STON2: variants seen among roughly 807,000 people sequenced by gnomAD.
The protein encoded by STON2 is stonin-2.
Under a neutral mutation model 65.7 loss-of-function variants are expected in STON2, and 29 were observed. That is an observed-to-expected ratio of 0.44 (90% CI 0.33 to 0.60). STON2 has a LOEUF of 0.60. Ranked by LOEUF, STON2 falls within the 20% of genes least tolerant of loss-of-function variation. The pLI is 0.03. For synonymous variants in STON2, 404 were observed against 414.2 expected, an observed-to-expected ratio of 0.98 and a Z score of 0.30; for missense variants, 1,054 against 1,118.1, an observed-to-expected ratio of 0.94 and a Z score of 0.82.
chr14:81,343,582 G>A (rs918598613), intron 4 of STON2, among the ~76,000 whole-genome samples: 6 of 152,072 alleles, frequency 3.9e-5, no homozygotes, highest in East Asian at 1.9e-4. Context: ...AAAAGAAACC[G>A]CCTTTATGAA....
chr14:81,413,239 A>G, intron 2 of STON2: 1 of 1,539,246 alleles, frequency 6.5e-7, no homozygotes, highest in Non-Finnish European at 8.6e-7. Flanking sequence ...AATCTGGTTA[A>G]AAGCATGGAC....
chr14:81,366,480 C>A lies in STON2; in HGVS notation c.571+4508G>T, dbSNP rs573022824. ...TGACACACTGTGCTGCCAGGGAGAG[C>A]CCAGCTCAGCTGAGGGAGCTCCGGA... On this transcript the variant is annotated intron_variant, in intron 4 of 7. Coordinates refer to ENST00000614646, the MANE Select transcript of STON2 (RefSeq NM_001394390.1). Among the ~76,000 whole-genome samples the A allele has an allele frequency of 1.3e-4, 20 of 152,188 alleles. No individual in the cohort carries two copies. In the East Asian group the frequency reaches 3.9e-3, roughly 30 times the overall value.
chr14:81,274,038 G>T (rs1894707711), intron 6 of STON2, among the ~76,000 whole-genome samples: 1 of 152,174 alleles, frequency 6.6e-6, no homozygotes. Context: ...TTCCCGGATG[G>T]AACACTGCAA....
intron 6 of STON2, among the ~76,000 whole-genome samples, chr14:81,272,594 G>A (rs1894645028): frequency 1.3e-5 from 2 of 152,186 alleles, no homozygotes; most frequent in East Asian, 1.9e-4. Context: ...TTTCACAAAC[G>A]TAACATATTT....
intron 2 of STON2, among the ~76,000 whole-genome samples, chr14:81,418,890 G>A (rs1026903165): frequency 6.6e-6 from 1 of 152,100 alleles, no homozygotes; most frequent in Admixed American, 6.5e-5. Flanking sequence ...CAAAATACCT[G>A]GCAAGTAAAC....
intron 7 of STON2, chr14:81,269,965 A>G (rs1446818782): frequency 2.4e-5 from 24 of 985,266 alleles, no homozygotes; most frequent in Non-Finnish European, 2.9e-5. Context: ...GTTCAGGTCC[A>G]CTTCATCAAC....
At chr14:81,272,181 C>T (rs889101147) in intron 6 of STON2, among the ~76,000 whole-genome samples, 2 of 152,126 alleles carry the variant, frequency 1.3e-5, no homozygotes, top group African/African-American at 2.4e-5. Flanking sequence ...AAGATTGCGC[C>T]GCTGCACTCC....
chr14:81,273,946 ACC>A (rs1894703523), intron 6 of STON2, among the ~76,000 whole-genome samples: 1 of 152,060 alleles, frequency 6.6e-6, no homozygotes, highest in African/African-American at 2.4e-5. Flanking sequence ...TGTACAAAGC[ACC>A]TTCCCAGGGC....
intron 4 of STON2, among the ~76,000 whole-genome samples, chr14:81,360,689 A>G (rs1475711870): frequency 6.6e-6 from 1 of 152,186 alleles, no homozygotes; most frequent in Non-Finnish European, 1.5e-5. Context: ...AGGCAAGAGA[A>G]AGAAATAAAA....
At chr14:81,340,712 G>A (rs1487607402) in intron 4 of STON2, among the ~76,000 whole-genome samples, 1 of 152,066 alleles carries the variant, frequency 6.6e-6, no homozygotes, top group Non-Finnish European at 1.5e-5. Flanking sequence ...CTGAACTCTG[G>A]AGCACTGCAC....
intron 5 of STON2, among the ~76,000 whole-genome samples, chr14:81,279,631 A>G (rs1895025304): frequency 6.6e-6 from 1 of 151,980 alleles, no homozygotes; most frequent in Non-Finnish European, 1.5e-5. Flanking sequence ...GCAGAGATAG[A>G]AGTCAGCGGA....
At chr14:81,344,799 C>T (rs1049565299) in intron 4 of STON2, among the ~76,000 whole-genome samples, 4 of 152,282 alleles carry the variant, frequency 2.6e-5, no homozygotes, top group Admixed American at 1.3e-4. Flanking sequence ...TAGACATTAC[C>T]GTTTAATCCA....
In STON2 at chr14:81,278,521, C is replaced by A; in HGVS notation, c.961G>T (p.Asp321Tyr). The change falls in exon 6 of 8, where the codon GAT becomes TAT. Residue 321 changes from aspartate to tyrosine, a missense_variant. Asp to Tyr is a radical substitution (Grantham distance 160). Coordinates refer to ENST00000614646, the MANE Select transcript of STON2 (RefSeq NM_001394390.1). ...GATCCCATTGAATTATAAGGTACATCTGGGATCACAGATGCACTTGGTGGT... is the reference window on the plus strand; with the variant it reads ...GATCCCATTGAATTATAAGGTACATATGGGATCACAGATGCACTTGGTGGT... Reference protein sequence around the residue: ...NTPPSASVIPDVPYNSMGSFK... With the variant: ...NTPPSASVIPYVPYNSMGSFK... 1 of 1,614,052 alleles carries A rather than the reference C, an allele frequency of 6.2e-7. No homozygotes were observed. Among genetic ancestry groups the A allele is most frequent in the Non-Finnish European group, 8.5e-7 (1 of 1,179,950 alleles).
At chr14:81,331,039 T>C (rs1897193092) in intron 4 of STON2, among the ~76,000 whole-genome samples, 1 of 152,168 alleles carries the variant, frequency 6.6e-6, no homozygotes, top group African/African-American at 2.4e-5. Context: ...AACATGGAGG[T>C]GGTACTCAGA....
chr14:81,388,838 T>TGC (rs1264091145), intron 3 of STON2, among the ~76,000 whole-genome samples: 2 of 152,214 alleles, frequency 1.3e-5, no homozygotes, highest in African/African-American at 2.4e-5. Context: ...TATGTGTGTG[T>TGC]GCTAGTCTCT....
At chr14:81,383,418 A>G (rs1394985028) in intron 3 of STON2, among the ~76,000 whole-genome samples, 1 of 152,172 alleles carries the variant, frequency 6.6e-6, no homozygotes, top group Non-Finnish European at 1.5e-5. Flanking sequence ...TCAAACATAT[A>G]TTTTTGTCCA....
At chr14:81,356,527 T>C (rs1472317580) in intron 4 of STON2, among the ~76,000 whole-genome samples, 7 of 152,152 alleles carry the variant, frequency 4.6e-5, no homozygotes. Context: ...CCTCATAAAA[T>C]GAGTTAGGGA....
intron 7 of STON2, chr14:81,269,875 T>C: frequency 1.0e-6 from 1 of 985,418 alleles, no homozygotes; most frequent in Non-Finnish European, 1.2e-6. Flanking sequence ...CCTGACCCTG[T>C]TACTATTATA....
chr14:81,358,378 G>T (rs912062549), intron 4 of STON2, among the ~76,000 whole-genome samples: 3 of 151,832 alleles, frequency 2.0e-5, no homozygotes, highest in Non-Finnish European at 4.4e-5. Context: ...AAGCCTCTTG[G>T]TGATCACAAA....
Sources: gnomAD v4.1 joint callset for allele counts (sites outside exome capture counted in the v4.1 genomes callset) on GRCh38, gnomAD v4.1.1 for gene constraint, MANE v1.5 for transcripts, NCBI Gene and HGNC (gene_info 2026-07-23, HGNC 2026-07-21) for gene names.